Variants in ATP8A1 observed in about 807,000 individuals in gnomAD.
The protein encoded by ATP8A1 is phospholipid-transporting ATPase IA.
Under a neutral mutation model 177.7 loss-of-function variants are expected in ATP8A1, and 90 were observed. The observed-to-expected ratio is 0.51, with a 90% CI of 0.43 to 0.60. The LOEUF is 0.60. Ranked by LOEUF, ATP8A1 falls within the 20% of genes least tolerant of loss-of-function variation. The pLI is 0.00. For synonymous variants in ATP8A1, 493 were observed against 485.9 expected (o/e 1.01, Z -0.19); for missense variants, 1,072 against 1,392.8 (o/e 0.77, Z 3.67).
rs114191960 is a variant in ATP8A1, at chr4:42,634,854, C to T, written c.50-7745G>A. 5.2e-3 allele frequency among the ~76,000 whole-genome samples: 797 copies of T among 152,216 alleles called. 10 individuals carry two copies. Among genetic ancestry groups the T allele is most frequent in the African/African-American group, 0.018 (742 of 41,548 alleles). Reference sequence around the variant, plus strand: ...TCAGATTATAACACTTCTACATGGGCAAATTATTTTATCATCTGAGTCTCA... The same window carrying T: ...TCAGATTATAACACTTCTACATGGGTAAATTATTTTATCATCTGAGTCTCA... On this transcript the variant is annotated intron_variant, in intron 1 of 36. Transcript: ENST00000381668.
At chr4:42,533,346 T>C (rs998823572) in intron 20 of ATP8A1, among the ~76,000 whole-genome samples, 1 of 152,150 alleles carries the variant, frequency 6.6e-6, no homozygotes, top group Non-Finnish European at 1.5e-5. Context: ...GGCTGCAGGC[T>C]ACATGGGTGC....
chr4:42,466,031 C>CAAAAA lies in ATP8A1; in HGVS notation c.2325-960_2325-956dup, dbSNP rs57949092. 4.1e-3 allele frequency among the ~76,000 whole-genome samples: 443 copies of CAAAAA among 108,020 alleles called. 18 individuals carry two copies. Among genetic ancestry groups the CAAAAA allele is most frequent in the East Asian group, 6.2e-3 (27 of 4,350 alleles). The allele number at this position is 108,020 out of a possible 152,430, so 70.9% of individuals were successfully genotyped here. A position where few individuals can be genotyped will look rare whatever the true frequency, so the allele number is the denominator to read the frequency against. On this transcript the variant is annotated intron_variant, in intron 25 of 36. Coordinates refer to ENST00000381668, the MANE Select transcript of ATP8A1 (RefSeq NM_006095.2). Reference sequence around the variant, plus strand: ...TGGGCGACAGAGCAAGACTCCGTCTCAAAAAAAAAAAAAAAAAAAAAAAAA... The same window carrying CAAAAA: ...TGGGCGACAGAGCAAGACTCCGTCTCAAAAAAAAAAAAAAAAAAAAAAAAAAAAAA...
intron 23 of ATP8A1, 142 bp from the exon 24 acceptor site, chr4:42,503,656 G>A: frequency 1.8e-6 from 1 of 561,610 alleles, no homozygotes; most frequent in East Asian, 3.2e-5. Context: ...AGGTTTGTAG[G>A]AAGTTAAACA....
intron 3 of ATP8A1, chr4:42,625,239 A>G (rs1167048715): frequency 4.4e-5 from 7 of 158,056 alleles, no homozygotes; most frequent in African/African-American, 1.7e-4. Flanking sequence ...TTTTTAATAA[A>G]CTAAAACTTT....
intron 5 of ATP8A1, among the ~76,000 whole-genome samples, chr4:42,603,048 A>AATACTT (rs1339566323): frequency 8.5e-5 from 13 of 152,220 alleles, no homozygotes; most frequent in African/African-American, 3.1e-4. Flanking sequence ...TCCCAATAGT[A>AATACTT]ATACTTAGTT....
intron 9 of ATP8A1, among the ~76,000 whole-genome samples, chr4:42,582,741 T>C (rs1439593449): frequency 6.6e-6 from 1 of 152,120 alleles, no homozygotes; most frequent in Non-Finnish European, 1.5e-5. Context: ...TTGGAGCTGT[T>C]CATTCCTTAT....
intron 1 of ATP8A1, among the ~76,000 whole-genome samples, chr4:42,646,932 A>C (rs1031333941): frequency 6.6e-6 from 1 of 152,244 alleles, no homozygotes; most frequent in Non-Finnish European, 1.5e-5. Flanking sequence ...ACATAAAAGA[A>C]TACTACTTAA....
chr4:42,580,306 G>T (rs181385751), intron 10 of ATP8A1, among the ~76,000 whole-genome samples: 1 of 152,124 alleles, frequency 6.6e-6, no homozygotes, highest in East Asian at 1.9e-4. Context: ...AGCAAACAGG[G>T]TAGTCTAGAA....
chr4:42,444,574 T>C lies in ATP8A1; in HGVS notation c.3015+4A>G. 1 of 1,613,062 alleles carries C rather than the reference T, an allele frequency of 6.2e-7. No homozygotes were observed. Among genetic ancestry groups the C allele is most frequent in the Non-Finnish European group, 8.5e-7 (1 of 1,179,258 alleles). On this transcript the variant is annotated splice_donor_region_variant and intron_variant, in intron 32 of 36. Coordinates refer to ENST00000381668, the MANE Select transcript of ATP8A1 (RefSeq NM_006095.2). ...TTCTTGGTTGTGGTTAGATATTTTC[T>C]TACCCATGTCCAATATGATGTCTCC...
chr4:42,598,975 C>T (rs993401442), intron 6 of ATP8A1, among the ~76,000 whole-genome samples: 1 of 152,044 alleles, frequency 6.6e-6, no homozygotes, highest in Non-Finnish European at 1.5e-5. Context: ...TTAGGTGTGC[C>T]ATTGACCTGT....
At chr4:42,624,433 A>C in intron 4 of ATP8A1, 103 bp downstream of exon 4, 1 of 585,582 alleles carries the variant, frequency 1.7e-6, no homozygotes. Flanking sequence ...TGGATATTTT[A>C]AACAGCCCAC....
chr4:42,507,853 T>C lies in ATP8A1; in HGVS notation c.1948-699A>G, dbSNP rs180776778. On this transcript the variant is annotated intron_variant, in intron 22 of 36. Transcript: ENST00000381668. ...AGACTACCATAGTGAAGATGCAATC[T>C]TGCTGACCTGTTTAAAAACAGTGAG... Among the ~76,000 whole-genome samples, 34 of 135,130 alleles carry C rather than the reference T, an allele frequency of 2.5e-4. No homozygotes were observed. The East Asian group carries it at 8.2e-3, about 33-fold the overall frequency. 88.7% of individuals were successfully genotyped at this position (135,130 alleles called of 152,430 possible). A position where few individuals can be genotyped will look rare whatever the true frequency, so the allele number is the denominator to read the frequency against.
chr4:42,408,589 T>C lies in ATP8A1; in HGVS notation c.*4327A>G, dbSNP rs960768532. 2.6e-5 allele frequency: 4 copies of C among 152,140 alleles called. No individual in the cohort carries two copies. The highest frequency in any genetic ancestry group is 9.7e-5 in the African/African-American group (4 of 41,438). The allele number at this position is 152,140 out of a possible 1,614,324, so 9.4% of individuals were successfully genotyped here. ...ACTACTATAACCACAGATTCAATAC[T>C]CTCCACTCATGCAGCTTCACAATTT... is the stretch of plus-strand genomic sequence containing the variant. On this transcript the variant is annotated 3_prime_UTR_variant, in exon 37 of 37. Coordinates refer to ENST00000381668, the MANE Select transcript of ATP8A1 (RefSeq NM_006095.2).
At chr4:42,598,854 T>G (rs1734973238) in intron 6 of ATP8A1, among the ~76,000 whole-genome samples, 1 of 152,170 alleles carries the variant, frequency 6.6e-6, no homozygotes, top group African/African-American at 2.4e-5. Flanking sequence ...TTAGTGATTC[T>G]AATTACTTCT....
chr4:42,603,767 T>C (rs907612059), intron 5 of ATP8A1, among the ~76,000 whole-genome samples: 3 of 152,204 alleles, frequency 2.0e-5, no homozygotes, highest in Non-Finnish European at 4.4e-5. Context: ...ACTGGATGTC[T>C]GTATTAGCCT....
At chr4:42,422,259 T>C (rs970664626) in intron 35 of ATP8A1, among the ~76,000 whole-genome samples, 1 of 152,054 alleles carries the variant, frequency 6.6e-6, no homozygotes, top group African/African-American at 2.4e-5. Context: ...GCCTGGCTAG[T>C]TTTTGTATTC....
At chr4:42,419,621 C>T (rs1713635912) in intron 35 of ATP8A1, among the ~76,000 whole-genome samples, 1 of 152,146 alleles carries the variant, frequency 6.6e-6, no homozygotes, top group African/African-American at 2.4e-5. Flanking sequence ...TATAAAATAA[C>T]ATGGTGTTTT....
chr4:42,484,581 G>A (rs937690009), intron 25 of ATP8A1, among the ~76,000 whole-genome samples: 3 of 152,054 alleles, frequency 2.0e-5, no homozygotes, highest in African/African-American at 7.2e-5. Flanking sequence ...AATAAACCCA[G>A]ACAAAAGAGG....
chr4:42,434,911 T>C (rs1560319590), intron 33 of ATP8A1, among the ~76,000 whole-genome samples: 1 of 152,210 alleles, frequency 6.6e-6, no homozygotes, highest in East Asian at 1.9e-4. Context: ...TCCATACCAG[T>C]CCTGGACTGC....
Sources: gnomAD v4.1 joint callset for allele counts (sites outside exome capture counted in the v4.1 genomes callset) on GRCh38, gnomAD v4.1.1 for gene constraint, MANE v1.5 for transcripts, NCBI Gene and HGNC (gene_info 2026-07-23, HGNC 2026-07-21) for gene names.